The following SEC14L5 variants were observed in gnomAD, a reference collection of about 807,000 sequenced individuals.
SEC14L5 encodes SEC14-like protein 5.
A neutral mutation model predicts 84.6 loss-of-function variants in SEC14L5; 96 were observed. The observed-to-expected ratio is 1.13, with a 90% CI of 0.96 to 1.34. The LOEUF is 1.34. Ranked by LOEUF, SEC14L5 falls within the 40% of genes most tolerant of loss-of-function variation. SEC14L5 has a pLI of 0.00. For missense variants in SEC14L5, 1,224 were observed against 942.5 expected (o/e 1.30, Z -3.91); for synonymous variants, 546 against 383.4 (o/e 1.42, Z -4.95).
At chr16:5,013,820 A>C (rs181555860) in intron 15 of SEC14L5, among the ~76,000 whole-genome samples, 1 of 152,020 alleles carries the variant, frequency 6.6e-6, no homozygotes, top group Non-Finnish European at 1.5e-5. Context: ...GGCCTCCCAA[A>C]GGGCTGGGAT....
Position 5,014,995 on chromosome 16 carries a change from C to T in SEC14L5, c.*25C>T. On this transcript the variant is annotated 3_prime_UTR_variant, in exon 16 of 16. Coordinates refer to ENST00000251170, the MANE Select transcript of SEC14L5 (RefSeq NM_014692.2). ...GCCGGGCCCAGTGTTTCAGGGCCGC[C>T]CGCTCGCCTCCAGTGTCCAGAAATG... 1.3e-6 allele frequency: 2 copies of T among 1,534,404 alleles called. No homozygotes were observed. The highest frequency in any genetic ancestry group is 1.8e-6 in the Non-Finnish European group (2 of 1,115,082).
intron 8 of SEC14L5, among the ~76,000 whole-genome samples, chr16:4,997,442 A>G (rs377653427): frequency 2.0e-5 from 3 of 151,818 alleles, no homozygotes; most frequent in Non-Finnish European, 1.5e-5. Flanking sequence ...ACATCTTACT[A>G]TTTTTCCTTT....
intron 2 of SEC14L5, among the ~76,000 whole-genome samples, chr16:4,964,628 C>A (rs947078721): frequency 7.2e-5 from 11 of 152,080 alleles, no homozygotes; most frequent in African/African-American, 2.4e-4. Flanking sequence ...CTGCTCGAGG[C>A]CTCAGCACAT....
chr16:4,983,825 C>T (rs1007992404), intron 2 of SEC14L5, among the ~76,000 whole-genome samples: 2 of 151,198 alleles, frequency 1.3e-5, no homozygotes, highest in African/African-American at 2.4e-5. Flanking sequence ...TGCAGTGAGC[C>T]GAGATCGCGC....
intron 2 of SEC14L5, among the ~76,000 whole-genome samples, chr16:4,983,418 A>C (rs992660665): frequency 1.3e-5 from 2 of 148,418 alleles, no homozygotes; most frequent in African/African-American, 5.0e-5. Flanking sequence ...ATATGTATAG[A>C]TATGATCTAT....
rs1245704002 is a variant in SEC14L5, at chr16:4,997,055, C to A, written c.970+11C>A. On this transcript the variant is annotated intron_variant, in intron 8 of 15. Transcript: ENST00000251170. ...ATTACCAGGACATAGGTGCGTGCCTCCACCCACATCATGTATAGGGCATAC... is the reference window on the plus strand; with the variant it reads ...ATTACCAGGACATAGGTGCGTGCCTACACCCACATCATGTATAGGGCATAC... 6.3e-7 allele frequency: 1 copy of A among 1,591,024 alleles called. No individual in the cohort carries two copies. Among genetic ancestry groups the A allele is most frequent in the Admixed American group, 1.8e-5 (1 of 55,756 alleles).
rs758318632 is a variant in SEC14L5, at chr16:5,000,760, G to T, written c.1059+17G>T. On this transcript the variant is annotated intron_variant, in intron 9 of 15. Coordinates refer to ENST00000251170, the MANE Select transcript of SEC14L5 (RefSeq NM_014692.2). Reference sequence around the variant, plus strand: ...CTGCGGCATGTGAGTCAGGGGCCTCGTTCCTGGACGCCGTGCCTGGGGCCG... The same window carrying T: ...CTGCGGCATGTGAGTCAGGGGCCTCTTTCCTGGACGCCGTGCCTGGGGCCG... 7 of 1,554,136 alleles carry T rather than the reference G, an allele frequency of 4.5e-6. No individual in the cohort carries two copies. In the Admixed American group the frequency reaches 5.9e-5, roughly 13 times the overall value.
At chr16:4,959,863 T>A (rs1262819660) in intron 2 of SEC14L5, among the ~76,000 whole-genome samples, 1 of 152,134 alleles carries the variant, frequency 6.6e-6, no homozygotes. Flanking sequence ...GGGATGACAC[T>A]AAGTTCTGTA....
chr16:5,001,067 T>C, intron 10 of SEC14L5, 142 bp downstream of exon 10: 2 of 676,326 alleles, frequency 3.0e-6, no homozygotes, highest in Admixed American at 5.0e-5. Context: ...CTTCTGGGCC[T>C]TGAGGCAGGG....
chr16:4,982,681 C>A (rs1396403976), intron 2 of SEC14L5, among the ~76,000 whole-genome samples: 2 of 152,192 alleles, frequency 1.3e-5, no homozygotes, highest in East Asian at 3.9e-4. Flanking sequence ...GTGTGAGACA[C>A]ACGGAGAGAC....
intron 8 of SEC14L5, among the ~76,000 whole-genome samples, 164 bp downstream of exon 8, chr16:4,997,208 C>T (rs1281428534): frequency 6.6e-6 from 1 of 152,206 alleles, no homozygotes; most frequent in Non-Finnish European, 1.5e-5. Flanking sequence ...AAGCAATTCT[C>T]CTGCCTCAGC....
intron 12 of SEC14L5, among the ~76,000 whole-genome samples, chr16:5,006,589 C>G (rs1955734636): frequency 6.6e-6 from 1 of 152,202 alleles, no homozygotes; most frequent in Non-Finnish European, 1.5e-5. Context: ...ACTCTGTCAT[C>G]TCATATGGCC....
intron 11 of SEC14L5, 31 bp from the exon 12 acceptor site, chr16:5,005,881 AAC>A (rs1568147349): frequency 4.6e-6 from 7 of 1,511,340 alleles, no homozygotes; most frequent in Non-Finnish European, 3.5e-6. Flanking sequence ...AAAAAAAAAA[AAC>A]CATCCATCTT....
At chr16:5,001,081 G>C (rs547718449) in intron 10 of SEC14L5, among the ~76,000 whole-genome samples, 156 bp downstream of exon 10, 7 of 152,176 alleles carry the variant, frequency 4.6e-5, no homozygotes, top group Non-Finnish European at 7.4e-5. Context: ...GGCAGGGCCC[G>C]TAAGCATCCC....
chr16:4,973,468 T>A (rs1955303462), intron 2 of SEC14L5, among the ~76,000 whole-genome samples: 1 of 142,100 alleles, frequency 7.0e-6, no homozygotes, highest in Non-Finnish European at 1.6e-5. Context: ...GTGACACTGC[T>A]GCCATTGGAT....
At chr16:5,000,584 CT>C in intron 8 of SEC14L5, 70 bp from the exon 9 acceptor site, 1 of 1,197,892 alleles carries the variant, frequency 8.3e-7, no homozygotes, top group Non-Finnish European at 1.2e-6. Context: ...TCACCTGCAG[CT>C]GTGACCTGCC....
At position 5,014,852 on chromosome 16, in the gene SEC14L5, T is replaced by TAAG. The variant is rs1955853469; in HGVS notation, c.1980-7_1980-6insAAG. 1 of 1,611,754 alleles carries TAAG rather than the reference T, an allele frequency of 6.2e-7. No homozygotes were observed. The highest frequency in any genetic ancestry group is 1.3e-5 in the African/African-American group (1 of 74,902). On this transcript the variant is annotated splice_polypyrimidine_tract_variant and splice_region_variant and intron_variant, in intron 15 of 15. Transcript: ENST00000251170. ...AGGGTAACGTGTGCCACGCCCTTCC[T>TAAG]CCCCAGGGGCTCCATGTCCAGCCTG...
In SEC14L5 at chr16:4,959,177, G is replaced by A. The variant is rs1374144748; in HGVS notation, c.-51-96G>A. The A allele has an allele frequency of 9.1e-6, 6 of 660,370 alleles. No individual in the cohort carries two copies. In the East Asian group the frequency reaches 1.4e-4, roughly 15 times the overall value. 40.9% of individuals were successfully genotyped at this position (660,370 alleles called of 1,614,324 possible). A position where few individuals can be genotyped will look rare whatever the true frequency, so the allele number is the denominator to read the frequency against. On this transcript the variant is annotated intron_variant, in intron 1 of 15. Transcript: ENST00000251170. The stretch of plus-strand genomic sequence containing the variant: ...CTCAATTTGAAGGCTGGGGAGCTGT[G>A]TGGGTGGGGCCAGGGGCTGCCCCTT...
chr16:4,998,289 G>A (rs1256908121), intron 8 of SEC14L5, among the ~76,000 whole-genome samples: 1 of 151,344 alleles, frequency 6.6e-6, no homozygotes, highest in Non-Finnish European at 1.5e-5. Flanking sequence ...TTACAGGAGT[G>A]AGCCACTGCA....
Sources: allele counts gnomAD v4.1 joint callset (sites outside exome capture counted in the v4.1 genomes callset), GRCh38; gene constraint gnomAD v4.1.1; transcripts MANE v1.5; gene names NCBI Gene and HGNC (gene_info 2026-07-23, HGNC 2026-07-21).